Variants in USH2A observed in about 807,000 individuals in gnomAD.
The protein encoded by USH2A is Usher syndrome 2A (autosomal recessive, mild).
A neutral mutation model predicts 538.9 loss-of-function variants in USH2A; 443 were observed. That is an observed-to-expected ratio of 0.82 (90% confidence interval 0.76 to 0.89). The LOEUF is 0.89. USH2A is among the 40% of genes least tolerant of loss of function. The pLI, the probability that USH2A is intolerant of heterozygous loss-of-function variation, is 0.00. For missense variants in USH2A, 6,633 were observed against 6,324.8 expected, an observed-to-expected ratio of 1.05 and a Z score of -1.65; for synonymous variants, 2,413 against 2,273.5, an observed-to-expected ratio of 1.06 and a Z score of -1.75.
chr1:215,896,922 T>C (rs1336138325), intron 40 of USH2A, among the ~76,000 whole-genome samples: 1 of 152,128 alleles, frequency 6.6e-6, no homozygotes, highest in Non-Finnish European at 1.5e-5. Flanking sequence ...GGAACAAACA[T>C]CTTTTATTAA....
intron 68 of USH2A, 51 bp downstream of exon 68, chr1:215,640,507 G>C: frequency 6.2e-7 from 1 of 1,609,444 alleles, no homozygotes; most frequent in African/African-American, 1.3e-5. Context: ...ATCCCGTAAA[G>C]CTGGGGAACA....
chr1:215,657,626 A>T (rs969234709), intron 64 of USH2A, among the ~76,000 whole-genome samples: 1 of 152,184 alleles, frequency 6.6e-6, no homozygotes, highest in African/African-American at 2.4e-5. Context: ...GGTTCCCTTC[A>T]TCTAAAACAC....
At chr1:216,061,529 A>G (rs890796500) in intron 30 of USH2A, among the ~76,000 whole-genome samples, 2 of 152,172 alleles carry the variant, frequency 1.3e-5, no homozygotes, top group African/African-American at 2.4e-5. Flanking sequence ...CCTCCTTTAA[A>G]TAGAGTTTCC....
chr1:215,772,321 A>C (rs1466258716), intron 55 of USH2A, among the ~76,000 whole-genome samples: 2 of 152,236 alleles, frequency 1.3e-5, no homozygotes, highest in Non-Finnish European at 2.9e-5. Flanking sequence ...ACATCATTCA[A>C]GTGCTCAGCA....
At chr1:215,998,184 T>G (rs1362136730) in intron 34 of USH2A, among the ~76,000 whole-genome samples, 1 of 152,054 alleles carries the variant, frequency 6.6e-6, no homozygotes, top group East Asian at 1.9e-4. Flanking sequence ...AGGGACAATC[T>G]CATGTTTATA....
intron 50 of USH2A, 126 bp from the exon 51 acceptor site, chr1:215,790,408 A>G: frequency 1.0e-6 from 1 of 953,544 alleles, no homozygotes; most frequent in Non-Finnish European, 1.6e-6. Context: ...TACCTAAGGT[A>G]GCATTTCCCT....
At chr1:216,301,335 T>C (rs2102622792) in intron 9 of USH2A, among the ~76,000 whole-genome samples, 2 of 152,270 alleles carry the variant, frequency 1.3e-5, no homozygotes, top group South Asian at 4.1e-4. Flanking sequence ...GAAGCTTAAG[T>C]TCATAATGAT....
At chr1:215,659,779 G>C (rs1439672146) in intron 64 of USH2A, among the ~76,000 whole-genome samples, 1 of 152,106 alleles carries the variant, frequency 6.6e-6, no homozygotes, top group Non-Finnish European at 1.5e-5. Context: ...TGTCTTCACA[G>C]GGTCAGGAAT....
At chr1:216,263,005 T>C (rs891789269) in intron 11 of USH2A, among the ~76,000 whole-genome samples, 13 of 152,096 alleles carry the variant, frequency 8.5e-5, no homozygotes, top group African/African-American at 3.1e-4. Context: ...AATAACTATA[T>C]GCCAACAAAT....
At chr1:216,096,642 T>C (rs550708214) in intron 22 of USH2A, among the ~76,000 whole-genome samples, 20 of 152,192 alleles carry the variant, frequency 1.3e-4, no homozygotes, top group Non-Finnish European at 2.1e-4. Context: ...ATATTTAACT[T>C]TGAAACTATG....
intron 3 of USH2A, among the ~76,000 whole-genome samples, chr1:216,388,538 A>C (rs2039046713): frequency 6.6e-6 from 1 of 152,222 alleles, no homozygotes; most frequent in Non-Finnish European, 1.5e-5. Flanking sequence ...AGGGAATTCC[A>C]AGACTCGGAA....
At chr1:215,987,737 T>A (rs1667905416) in intron 35 of USH2A, among the ~76,000 whole-genome samples, 1 of 152,176 alleles carries the variant, frequency 6.6e-6, no homozygotes, top group African/African-American at 2.4e-5. Flanking sequence ...ATGGGTCTTG[T>A]AAGCTGTAGT....
At chr1:216,247,371 A>T (rs895558199) in intron 12 of USH2A, 145 bp from the exon 13 acceptor site, 5 of 944,316 alleles carry the variant, frequency 5.3e-6, no homozygotes, top group Non-Finnish European at 7.9e-6. Flanking sequence ...GGCCAATCTT[A>T]CTCTCAAAAT....
chr1:215,910,169 A>T lies in USH2A; in HGVS notation c.7301-9264T>A, dbSNP rs1665743559. ...TCCAATGAAAACTTTTTTACCTTTGATAAGCTTTTTATTATATTAGATAAT... is the reference window on the plus strand; with the variant it reads ...TCCAATGAAAACTTTTTTACCTTTGTTAAGCTTTTTATTATATTAGATAAT... On this transcript the variant is annotated intron_variant, in intron 38 of 71. Coordinates refer to ENST00000307340, the MANE Select transcript of USH2A (RefSeq NM_206933.4). Among the ~76,000 whole-genome samples, 3 of 151,960 alleles carry T rather than the reference A, an allele frequency of 2.0e-5. No individual in the cohort carries two copies. In the South Asian group the frequency reaches 6.2e-4, roughly 31 times the overall value.
intron 3 of USH2A, among the ~76,000 whole-genome samples, chr1:216,405,235 G>A (rs114381547): frequency 1.2e-3 from 183 of 152,222 alleles, no homozygotes; most frequent in Non-Finnish European, 1.7e-3. Flanking sequence ...GGTTAGGCAA[G>A]ACTTCATAGA....
At chr1:216,251,483 C>T (rs889564467) in intron 11 of USH2A, among the ~76,000 whole-genome samples, 1 of 121,224 alleles carries the variant, frequency 8.2e-6, no homozygotes, top group African/African-American at 3.0e-5. Context: ...TGGAGTCTCG[C>T]TCTGTCACCC....
chr1:215,895,603 G>T (rs1025813861), intron 40 of USH2A, among the ~76,000 whole-genome samples: 3 of 152,192 alleles, frequency 2.0e-5, no homozygotes, highest in Non-Finnish European at 4.4e-5. Context: ...ATGGATGAAG[G>T]TTGCTGAGGG....
intron 3 of USH2A, among the ~76,000 whole-genome samples, chr1:216,388,022 T>C (rs1392804051): frequency 2.6e-5 from 4 of 152,132 alleles, no homozygotes; most frequent in Non-Finnish European, 4.4e-5. Flanking sequence ...TCCCCTTGAA[T>C]AGCATTATTG....
intron 58 of USH2A, among the ~76,000 whole-genome samples, chr1:215,746,559 T>A (rs1301315593): frequency 6.6e-6 from 1 of 152,230 alleles, no homozygotes; most frequent in Non-Finnish European, 1.5e-5. Context: ...CTGTTGTCAC[T>A]CGCTGACTTG....
Sources: gnomAD v4.1 joint callset for allele counts (sites outside exome capture counted in the v4.1 genomes callset) on GRCh38, gnomAD v4.1.1 for gene constraint, MANE v1.5 for transcripts, NCBI Gene and HGNC (gene_info 2026-07-23, HGNC 2026-07-21) for gene names.